Variants in SH3GL2 observed in about 807,000 individuals in gnomAD.
The protein encoded by SH3GL2 is SH3 domain containing GRB2 like 2, endophilin A1, also known as endophilin-A1.
In SH3GL2, 24 loss-of-function variants were observed where a neutral mutation model predicts 46.0. The observed-to-expected ratio is 0.52, with a 90% CI of 0.38 to 0.73. The LOEUF (loss-of-function observed/expected upper bound fraction) is 0.73. SH3GL2 is among the 30% of genes least tolerant of loss of function. The pLI, the probability that SH3GL2 is intolerant of heterozygous loss-of-function variation, is 0.00. For synonymous variants in SH3GL2, 196 were observed against 147.1 expected (o/e 1.33, Z -2.40); for missense variants, 413 against 424.2 (o/e 0.97, Z 0.23).
At chr9:17,580,388 A>G (rs1442239491) in intron 1 of SH3GL2, among the ~76,000 whole-genome samples, 1 of 152,182 alleles carries the variant, frequency 6.6e-6, no homozygotes, top group Admixed American at 6.5e-5. Context: ...CACATCCAGA[A>G]AAGGTGAGGG....
At chr9:17,727,129 T>G (rs1822041921) in intron 1 of SH3GL2, among the ~76,000 whole-genome samples, 1 of 152,128 alleles carries the variant, frequency 6.6e-6, no homozygotes, top group African/African-American at 2.4e-5. Context: ...GATGCAGCAG[T>G]TAAGATGAAT....
intron 1 of SH3GL2, among the ~76,000 whole-genome samples, chr9:17,665,882 T>G (rs982203097): frequency 3.4e-5 from 5 of 148,388 alleles, no homozygotes; most frequent in Non-Finnish European, 7.4e-5. Context: ...CATCCATCCA[T>G]CCATCTAGTT....
chr9:17,694,481 T>G (rs1273058603), intron 1 of SH3GL2, among the ~76,000 whole-genome samples: 1 of 152,198 alleles, frequency 6.6e-6, no homozygotes, highest in Non-Finnish European at 1.5e-5. Flanking sequence ...TCGCTGGATT[T>G]GCTATATACT....
At chr9:17,622,729 C>T (rs931092056) in intron 1 of SH3GL2, among the ~76,000 whole-genome samples, 51 of 152,160 alleles carry the variant, frequency 3.4e-4, no homozygotes, top group African/African-American at 1.2e-3. Flanking sequence ...TCTTGATGTC[C>T]TTAATTTCAA....
chr9:17,775,075 G>C (rs1290053382), intron 3 of SH3GL2, among the ~76,000 whole-genome samples: 1 of 149,512 alleles, frequency 6.7e-6, no homozygotes, highest in Admixed American at 6.8e-5. Flanking sequence ...TTGTGCAGTT[G>C]TTCATAGTAC....
At chr9:17,645,397 A>C (rs1175982463) in intron 1 of SH3GL2, among the ~76,000 whole-genome samples, 1 of 151,982 alleles carries the variant, frequency 6.6e-6, no homozygotes, top group Admixed American at 6.6e-5. Flanking sequence ...CTTATGTGTG[A>C]ATTTGATCCT....
At chr9:17,586,990 TGAG>T (rs932083473) in intron 1 of SH3GL2, among the ~76,000 whole-genome samples, 6 of 152,124 alleles carry the variant, frequency 3.9e-5, no homozygotes, top group African/African-American at 9.7e-5. Flanking sequence ...GCAGATCACT[TGAG>T]GAGTTTGAGA....
chr9:17,701,036 A>C (rs1361725542), intron 1 of SH3GL2, among the ~76,000 whole-genome samples: 4 of 152,148 alleles, frequency 2.6e-5, no homozygotes. Flanking sequence ...CCTTAATCCC[A>C]ATTGGTAAAA....
intron 1 of SH3GL2, among the ~76,000 whole-genome samples, chr9:17,739,924 C>T (rs1426353127): frequency 6.6e-6 from 1 of 152,072 alleles, no homozygotes; most frequent in African/African-American, 2.4e-5. Context: ...TCAATTTCTG[C>T]ATTTTCCATA....
chr9:17,720,191 A>C (rs72614239), intron 1 of SH3GL2, among the ~76,000 whole-genome samples: 10,292 of 152,218 alleles, frequency 0.068, 489 homozygotes, highest in Admixed American at 0.14. Context: ...GCGTCAAAGA[A>C]GTTGTCCCAA....
At chr9:17,773,234 C>A (rs1021351222) in intron 3 of SH3GL2, among the ~76,000 whole-genome samples, 11 of 151,992 alleles carry the variant, frequency 7.2e-5, no homozygotes, top group Non-Finnish European at 1.2e-4. Context: ...ATATGATTTA[C>A]AAATATTTTC....
intron 1 of SH3GL2, among the ~76,000 whole-genome samples, chr9:17,673,652 T>C (rs746011507): frequency 9.9e-5 from 15 of 152,200 alleles, no homozygotes; most frequent in Non-Finnish European, 2.9e-5. Context: ...TTGTCCATCT[T>C]GATGTCTTGC....
intron 1 of SH3GL2, among the ~76,000 whole-genome samples, chr9:17,599,648 C>T (rs1052522317): frequency 1.3e-5 from 2 of 152,168 alleles, no homozygotes; most frequent in Non-Finnish European, 2.9e-5. Flanking sequence ...TCTACATTCA[C>T]ATGGAAACCT....
intron 1 of SH3GL2, among the ~76,000 whole-genome samples, chr9:17,596,830 G>A (rs1818579442): frequency 6.6e-6 from 1 of 152,108 alleles, no homozygotes; most frequent in Non-Finnish European, 1.5e-5. Context: ...AGATGGGCAG[G>A]CCACTTTTGC....
chr9:17,640,689 T>C (rs895498956), intron 1 of SH3GL2, among the ~76,000 whole-genome samples: 2 of 152,234 alleles, frequency 1.3e-5, no homozygotes, highest in African/African-American at 4.8e-5. Flanking sequence ...ATAACACTTC[T>C]CATTTCTCGG....
At chr9:17,717,583 G>GC (rs1293540885) in intron 1 of SH3GL2, among the ~76,000 whole-genome samples, 2 of 152,082 alleles carry the variant, frequency 1.3e-5, no homozygotes, top group African/African-American at 4.8e-5. Flanking sequence ...CAGATACCAT[G>GC]CCAGATGCTC....
At chr9:17,586,005 A>C (rs1383094196) in intron 1 of SH3GL2, among the ~76,000 whole-genome samples, 1 of 152,234 alleles carries the variant, frequency 6.6e-6, no homozygotes, top group African/African-American at 2.4e-5. Context: ...GATAATAAAG[A>C]CTAAAGAGAG....
At chr9:17,676,167 C>T (rs551666618) in intron 1 of SH3GL2, among the ~76,000 whole-genome samples, 1 of 152,182 alleles carries the variant, frequency 6.6e-6, no homozygotes, top group Non-Finnish European at 1.5e-5. Context: ...ATCTGAAAAA[C>T]ATAAATCCCT....
chr9:17,795,412 CAA>C (rs1824246762), intron 8 of SH3GL2, 130 bp from the exon 9 acceptor site: 2 of 666,398 alleles, frequency 3.0e-6, no homozygotes, highest in African/African-American at 1.8e-5. Context: ...GAAGAAGCTT[CAA>C]CAGGAAGAGG....
Sources: allele counts gnomAD v4.1 joint callset (sites outside exome capture counted in the v4.1 genomes callset), GRCh38; gene constraint gnomAD v4.1.1; transcripts MANE v1.5; gene names NCBI Gene and HGNC (gene_info 2026-07-23, HGNC 2026-07-21).